SLAIN1: variants seen among roughly 807,000 people sequenced by gnomAD.
The protein encoded by SLAIN1 is SLAIN family member 1.
A neutral mutation model predicts 55.4 loss-of-function variants in SLAIN1; 17 were observed. The observed-to-expected ratio is 0.31, with a 90% CI of 0.21 to 0.46. The LOEUF (loss-of-function observed/expected upper bound fraction) is 0.46. Ranked by LOEUF, SLAIN1 falls within the 20% of genes least tolerant of loss-of-function variation. The probability of loss-of-function intolerance (pLI) is 1.00; values close to 1 mark genes in which losing one functional copy is unlikely to be tolerated. For missense variants in SLAIN1, 682 were observed against 785.1 expected (o/e 0.87, Z 1.57); for synonymous variants, 348 against 337.4 (o/e 1.03, Z -0.35).
intron 4 of SLAIN1, among the ~76,000 whole-genome samples, chr13:77,752,306 T>TTTTTA (rs1334542387): frequency 6.6e-6 from 1 of 150,990 alleles, no homozygotes; most frequent in African/African-American, 2.4e-5. Flanking sequence ...TTTTTTTTTT[T>TTTTTA]AAGAAGCATG....
In SLAIN1 at chr13:77,698,249, T is replaced by C. The variant is rs901298368; in HGVS notation, c.336T>C (p.Ser112=). Residue 112 remains serine (S), a synonymous_variant, in exon 1 of 7, where the codon AGT becomes AGC. Coordinates refer to ENST00000418532, the MANE Select transcript of SLAIN1 (RefSeq NM_001242868.2). This position sits in a 1 kb window ranked among gnomAD's most constrained non-coding sequence, Gnocchi z 4.1. ...CGGGGGGCGGTGGCGGCAGCGGTAG[T>C]GGCAGCGGCGGTGGCTCCAGCCCCG... ...LGAGGGGGSG[S]GSGGGSSPAF... is the part of the protein sequence containing the mutation. The C allele has an allele frequency of 7.9e-6, 11 of 1,386,980 alleles. No homozygotes were observed. The African/African-American group carries it at 1.4e-4, about 17-fold the overall frequency. The allele number at this position is 1,386,980 out of a possible 1,614,324, so 85.9% of individuals were successfully genotyped here.
intron 5 of SLAIN1, among the ~76,000 whole-genome samples, chr13:77,757,761 TTTG>T (rs1341705124): frequency 1.3e-5 from 2 of 152,120 alleles, no homozygotes; most frequent in Admixed American, 1.3e-4. Flanking sequence ...AAAATATTAA[TTTG>T]TTTCTTTTTA....
intron 2 of SLAIN1, among the ~76,000 whole-genome samples, chr13:77,727,504 CA>C (rs527496050): frequency 5.8e-4 from 70 of 120,210 alleles, no homozygotes; most frequent in South Asian, 8.0e-4. Context: ...CTAGCCAAGC[CA>C]AAAAAAAAAA....
intron 1 of SLAIN1, among the ~76,000 whole-genome samples, chr13:77,706,160 A>G (rs1378146026): frequency 6.6e-6 from 1 of 152,030 alleles, no homozygotes; most frequent in Non-Finnish European, 1.5e-5. Flanking sequence ...TACTTTTATG[A>G]TCTTAGACAT....
At chr13:77,721,603 A>T (rs1362090450) in intron 2 of SLAIN1, among the ~76,000 whole-genome samples, 3 of 151,932 alleles carry the variant, frequency 2.0e-5, no homozygotes, top group African/African-American at 4.8e-5. Flanking sequence ...CTTTTTTTTG[A>T]AAGGAGATAG....
chr13:77,734,427 T>G (rs1184164557), intron 2 of SLAIN1, among the ~76,000 whole-genome samples: 1 of 152,166 alleles, frequency 6.6e-6, no homozygotes, highest in Non-Finnish European at 1.5e-5. Flanking sequence ...TCACTTACTT[T>G]TTCCTTATTT....
intron 2 of SLAIN1, among the ~76,000 whole-genome samples, chr13:77,728,522 A>G (rs994619585): frequency 6.6e-6 from 1 of 152,204 alleles, no homozygotes; most frequent in African/African-American, 2.4e-5. Context: ...ATGTTTCGCT[A>G]TGACCATCTG....
chr13:77,746,551 A>G lies in SLAIN1; in HGVS notation c.954A>G (p.Val318=). 1 of 1,612,464 alleles carries G rather than the reference A, an allele frequency of 6.2e-7. No homozygotes were observed. The highest frequency in any genetic ancestry group is 1.7e-4 in the Middle Eastern group (1 of 6,042). Reference sequence around the variant, plus strand: ...ATTATGCTTCTACTTCAGCATCTGTATCAAGACATAGTTCCAGTGTGTCAT... The same window carrying G: ...ATTATGCTTCTACTTCAGCATCTGTGTCAAGACATAGTTCCAGTGTGTCAT... The part of the protein sequence containing the change: ...RQDYASTSAS[V]SRHSSSVSLS... Residue 318 remains valine (V), a synonymous_variant, in exon 4 of 7, where the codon GTA becomes GTG. Transcript: ENST00000418532.
chr13:77,698,365 A>G lies in SLAIN1; in HGVS notation c.452A>G (p.Lys151Arg), dbSNP rs1215957777. The G allele has an allele frequency of 1.0e-4, 145 of 1,436,174 alleles. No homozygotes were observed. Among genetic ancestry groups the G allele is most frequent in the Non-Finnish European group, 1.3e-4 (142 of 1,095,632 alleles). The allele number at this position is 1,436,174 out of a possible 1,614,324, so 89.0% of individuals were successfully genotyped here. A position where few individuals can be genotyped will look rare whatever the true frequency, so the allele number is the denominator to read the frequency against. Reference protein sequence around the residue: ...QPPEAPFVYFKPAAGFFGAGG... With the variant: ...QPPEAPFVYFRPAAGFFGAGG... ...CCCGAGGCGCCCTTCGTCTACTTCA[A>G]GCCGGCAGCAGGCTTCTTCGGCGCG... Residue 151 changes from lysine to arginine, a missense_variant, in exon 1 of 7, where the codon AAG becomes AGG. Lys to Arg is a conservative substitution (Grantham distance 26). Around this residue, in one of 3 missense-constraint regions of SLAIN1, gnomAD observed 401 missense variants for 417.3 expected, o/e 0.96. Coordinates refer to ENST00000418532, the MANE Select transcript of SLAIN1 (RefSeq NM_001242868.2). This position sits in a 1 kb window ranked among gnomAD's most constrained non-coding sequence, Gnocchi z 4.1.
intron 2 of SLAIN1, among the ~76,000 whole-genome samples, chr13:77,726,760 T>C (rs1292630452): frequency 1.3e-5 from 2 of 152,212 alleles, no homozygotes; most frequent in African/African-American, 4.8e-5. Context: ...ACTATCCTCT[T>C]TTCCAAGCTG....
intron 5 of SLAIN1, among the ~76,000 whole-genome samples, chr13:77,754,271 G>A (rs1295074158): frequency 2.0e-5 from 3 of 152,208 alleles, no homozygotes; most frequent in Admixed American, 6.5e-5. Context: ...AACATGCAGC[G>A]ATCTTTCATT....
intron 1 of SLAIN1, among the ~76,000 whole-genome samples, chr13:77,711,141 A>C (rs992914207): frequency 3.3e-5 from 5 of 152,202 alleles, no homozygotes; most frequent in Non-Finnish European, 7.3e-5. Flanking sequence ...AAGATCTCAG[A>C]TCAACACCCT....
At chr13:77,752,400 A>T (rs1874292052) in intron 4 of SLAIN1, among the ~76,000 whole-genome samples, 1 of 150,358 alleles carries the variant, frequency 6.7e-6, no homozygotes, top group Non-Finnish European at 1.5e-5. Flanking sequence ...TTAGCCACTT[A>T]TTGAATAGGA....
intron 1 of SLAIN1, among the ~76,000 whole-genome samples, chr13:77,702,945 T>C (rs1214908442): frequency 6.6e-6 from 1 of 152,112 alleles, no homozygotes; most frequent in Non-Finnish European, 1.5e-5. Flanking sequence ...CTCTATACTG[T>C]TTGAAAGCAA....
chr13:77,754,761 A>G (rs1400799448), intron 5 of SLAIN1, among the ~76,000 whole-genome samples: 1 of 152,164 alleles, frequency 6.6e-6, no homozygotes, highest in Non-Finnish European at 1.5e-5. Context: ...ACCATGTTTT[A>G]CTATTAATAT....
At chr13:77,723,159 C>T (rs544792838) in intron 2 of SLAIN1, among the ~76,000 whole-genome samples, 1 of 152,274 alleles carries the variant, frequency 6.6e-6, no homozygotes, top group African/African-American at 2.4e-5. Context: ...TCCCCAAACT[C>T]TCTTGATGAA....
At chr13:77,708,718 A>T (rs770580802) in intron 1 of SLAIN1, among the ~76,000 whole-genome samples, 1 of 152,194 alleles carries the variant, frequency 6.6e-6, no homozygotes, top group Non-Finnish European at 1.5e-5. Context: ...TAGCATCAGC[A>T]TCAATAAAAA....
intron 1 of SLAIN1, among the ~76,000 whole-genome samples, chr13:77,716,872 T>C (rs543224694): frequency 6.6e-6 from 1 of 152,258 alleles, no homozygotes; most frequent in Admixed American, 6.5e-5. Context: ...ATGTAATGCC[T>C]GATTGCATTG....
intron 2 of SLAIN1, among the ~76,000 whole-genome samples, chr13:77,729,700 C>G (rs1204325983): frequency 2.0e-5 from 3 of 152,234 alleles, no homozygotes; most frequent in East Asian, 3.9e-4. Flanking sequence ...GCAAGATGAG[C>G]TCAGTGCCTG....
Sources: allele counts gnomAD v4.1 joint callset (sites outside exome capture counted in the v4.1 genomes callset), GRCh38; gene constraint gnomAD v4.1.1; regional missense constraint gnomAD v4.1.1; non-coding constraint Gnocchi (gnomAD v3.1); transcripts MANE v1.5; gene names NCBI Gene and HGNC (gene_info 2026-07-23, HGNC 2026-07-21).